Variants in GAS5 observed in about 807,000 individuals in gnomAD.
The protein encoded by GAS5 is growth arrest specific 5, also known as growth arrest specific 5 (non-protein coding).
chr1:173,868,092 A>G, upstream of GAS5: 1 of 167,388 alleles, frequency 6.0e-6, no homozygotes, highest in Non-Finnish European at 1.3e-5. Context: ...AACCTCCCTC[A>G]ATCTTCCTCT....
At chr1:173,864,956 C>A (rs1354464482) in intron 6 of GAS5, 2 of 510,758 alleles carry the variant, frequency 3.9e-6, no homozygotes. Context: ...TGGTGGCTCA[C>A]GCCTGTAATC....
At chr1:173,868,570 C>T (rs9726181), upstream of GAS5, among the ~76,000 whole-genome samples, 2,384 of 152,300 alleles carry the variant, frequency 0.016, 65 homozygotes, top group African/African-American at 0.055. Flanking sequence ...CCTTGGCCCC[C>T]GGCCGGGCTG....
intron 6 of GAS5, chr1:173,864,877 T>C (rs1373402733): frequency 3.9e-6 from 2 of 519,076 alleles, no homozygotes; most frequent in Admixed American, 1.9e-5. Context: ...TCAGCGTTAG[T>C]CTGCTGAACT....
At chr1:173,868,588 G>A (rs1286022918), upstream of GAS5, among the ~76,000 whole-genome samples, 3 of 152,120 alleles carry the variant, frequency 2.0e-5, no homozygotes, top group Admixed American at 6.5e-5. Context: ...CTGATCTGCC[G>A]GACCCGCCCC....
intron 1 of GAS5, chr1:173,866,979 C>A: frequency 1.3e-6 from 1 of 765,474 alleles, no homozygotes; most frequent in Non-Finnish European, 2.4e-6. Context: ...CCATACTTTC[C>A]CCAATTCTTA....
chr1:173,865,470 C>A (rs1455046478), intron 6 of GAS5: 6 of 507,600 alleles, frequency 1.2e-5, no homozygotes, highest in African/African-American at 1.2e-4. Flanking sequence ...AAAACATGTA[C>A]CTTTAAAAGG....
intron 3 of GAS5, chr1:173,866,351 A>T (rs1355575853): frequency 1.9e-6 from 1 of 526,210 alleles, no homozygotes; most frequent in African/African-American, 1.9e-5. Context: ...CTGCTGAACT[A>T]TGCAACCATC....
intron 5 of GAS5, chr1:173,865,756 G>C: frequency 1.9e-6 from 1 of 518,998 alleles, no homozygotes; most frequent in South Asian, 1.4e-5. Flanking sequence ...GGAAAATACA[G>C]TCAGTATTCA....
intron 4 of GAS5, chr1:173,865,979 G>A (rs939985678): frequency 1.9e-6 from 1 of 519,086 alleles, no homozygotes; most frequent in East Asian, 5.4e-5. Context: ...GTCAGTTAGA[G>A]CTAATTAAGA....
exon 6 of GAS5, chr1:173,865,513 A>C (rs1177857918): frequency 2.0e-6 from 1 of 510,604 alleles, no homozygotes; most frequent in African/African-American, 1.9e-5. Context: ...TCCTTACCCA[A>C]GCAAGTCATC....
upstream of GAS5, chr1:173,867,057 G>A: frequency 1.4e-6 from 1 of 702,208 alleles, no homozygotes. Context: ...AAGAGATCAG[G>A]TACAGATTTT....
chr1:173,866,399 T>C (rs758077549), intron 3 of GAS5: 14 of 553,522 alleles, frequency 2.5e-5, no homozygotes, highest in Non-Finnish European at 5.0e-5. Context: ...GTATTAAACT[T>C]AGTATCAATA....
upstream of GAS5, chr1:173,867,056 G>A (rs17359906): frequency 0.078 from 54,597 of 702,750 alleles, 2,391 homozygotes; most frequent in Middle Eastern, 0.1. Context: ...AAAGAGATCA[G>A]GTACAGATTT....
upstream of GAS5, chr1:173,867,061 A>T (rs1444727895): frequency 4.3e-6 from 3 of 696,882 alleles, no homozygotes; most frequent in Non-Finnish European, 5.2e-6. Context: ...GATCAGGTAC[A>T]GATTTTAATT....
At chr1:173,867,989 G>A (rs552155993), upstream of GAS5, 39 of 326,738 alleles carry the variant, frequency 1.2e-4, no homozygotes, top group South Asian at 6.2e-4. Context: ...ACCTCGAAAA[G>A]ACAGTATGGT....
upstream of GAS5, chr1:173,867,203 A>G (rs1165069207): frequency 1.8e-6 from 1 of 547,872 alleles, no homozygotes; most frequent in Non-Finnish European, 3.2e-6. Flanking sequence ...GTTACAAAGA[A>G]GCACTGCACC....
At chr1:173,867,533 A>T (rs1260610883), upstream of GAS5, 2 of 413,868 alleles carry the variant, frequency 4.8e-6, no homozygotes, top group Non-Finnish European at 9.7e-6. Context: ...AAGAAACACT[A>T]ATGGAAATAT....
upstream of GAS5, chr1:173,867,154 CCATT>C (rs1268435981): frequency 9.0e-5 from 53 of 588,644 alleles, 2 homozygotes; most frequent in Middle Eastern, 8.2e-4. Context: ...AGGTAACATA[CCATT>C]CATTATCTAG....
upstream of GAS5, chr1:173,867,289 G>A: frequency 2.1e-6 from 1 of 476,936 alleles, no homozygotes; most frequent in Non-Finnish European, 3.7e-6. Context: ...GGGGACCACG[G>A]CTGGTGGATC....
Sources: allele counts gnomAD v4.1 joint callset (sites outside exome capture counted in the v4.1 genomes callset), GRCh38; gene constraint gnomAD v4.1.1; transcripts MANE v1.5; gene names NCBI Gene and HGNC (gene_info 2026-07-23, HGNC 2026-07-21).